Variants in LARP4B observed in about 807,000 individuals in gnomAD.
LARP4B encodes la-related protein 4B.
A neutral mutation model predicts 89.8 loss-of-function variants in LARP4B; 12 were observed. That is an observed-to-expected ratio of 0.13 (90% CI 0.09 to 0.22). LARP4B has a LOEUF of 0.22. Ranked by LOEUF, LARP4B falls within the 10% of genes least tolerant of loss-of-function variation. The pLI is 1.00. For missense variants in LARP4B, 757 were observed against 947.7 expected (o/e 0.80, Z 2.64); for synonymous variants, 367 against 363.3 (o/e 1.01, Z -0.12).
chr10:841,116 G>A (rs1343231978), intron 7 of LARP4B, among the ~76,000 whole-genome samples: 1 of 152,148 alleles, frequency 6.6e-6, no homozygotes. Flanking sequence ...TGACACCACT[G>A]CACTCCAGCC....
At chr10:885,781 T>A in intron 1 of LARP4B, 21 bp from the exon 2 acceptor site, 1 of 1,282,864 alleles carries the variant, frequency 7.8e-7, no homozygotes, top group Non-Finnish European at 1.1e-6. Context: ...GCAAAGACAT[T>A]AAACAGGTCA....
Position 811,731 on chromosome 10 carries a change from ATT to A in LARP4B, c.*1193_*1194del, listed in dbSNP as rs1251350347. 6.5e-6 allele frequency: 1 copy of A among 152,686 alleles called. No homozygotes were observed. The allele number at this position is 152,686 out of a possible 1,614,324, so 9.5% of individuals were successfully genotyped here. On this transcript the variant is annotated 3_prime_UTR_variant, in exon 18 of 18. Coordinates refer to ENST00000316157, the MANE Select transcript of LARP4B (RefSeq NM_015155.3). ...TTTGTGGAATAAAGTGTATGGTTAC[ATT>A]TAGCAGGAAATATTCTTATTTTAAT...
chr10:833,871 G>C lies in LARP4B; in HGVS notation c.750+2532C>G, dbSNP rs1211922060. On this transcript the variant is annotated intron_variant, in intron 8 of 17. Coordinates refer to ENST00000316157, the MANE Select transcript of LARP4B (RefSeq NM_015155.3). ...ACCACTGCACTCCAGCCTGGCAACA[G>C]AGCAAGATGCCACCTCAAAAAAAAA... Among the ~76,000 whole-genome samples the C allele has an allele frequency of 2.9e-5, 4 of 137,800 alleles. No individual in the cohort carries two copies. In the East Asian group the frequency reaches 8.3e-4, roughly 29 times the overall value. 90.4% of individuals were successfully genotyped at this position (137,800 alleles called of 152,430 possible). A position where few individuals can be genotyped will look rare whatever the true frequency, so the allele number is the denominator to read the frequency against.
At chr10:888,044 G>A (rs1286730687) in intron 1 of LARP4B, among the ~76,000 whole-genome samples, 2 of 151,506 alleles carry the variant, frequency 1.3e-5, no homozygotes. Flanking sequence ...AACAGGCCAG[G>A]TGCAGTGGCT....
chr10:878,425 A>G (rs1164367279), intron 3 of LARP4B, among the ~76,000 whole-genome samples: 1 of 150,994 alleles, frequency 6.6e-6, no homozygotes, highest in Non-Finnish European at 1.5e-5. Flanking sequence ...AAACTCTGAC[A>G]CCCCTGCGTG....
chr10:840,837 G>C (rs1236428101), intron 7 of LARP4B, among the ~76,000 whole-genome samples: 1 of 152,170 alleles, frequency 6.6e-6, no homozygotes, highest in African/African-American at 2.4e-5. Flanking sequence ...TCTCTGCTAG[G>C]TAATTTGGGC....
At position 821,034 on chromosome 10, in the gene LARP4B, C is replaced by T. The variant is rs900983722; in HGVS notation, c.1485-189G>A. ...CGTAAGCAGAACAACACAAAGTTGA[C>T]AGCAAGGGACTAACGTGGAAGTCCA... On this transcript the variant is annotated intron_variant, in intron 13 of 17. Transcript: ENST00000316157. 72 of 586,898 alleles carry T rather than the reference C, an allele frequency of 1.2e-4. 1 individual carries two copies. Among genetic ancestry groups the T allele is most frequent in the Non-Finnish European group, 2.1e-5 (7 of 332,202 alleles). 36.4% of individuals were successfully genotyped at this position (586,898 alleles called of 1,614,324 possible).
chr10:980,924 A>C, the LARP4B span, among the ~76,000 whole-genome samples: 1 of 152,044 alleles, frequency 6.6e-6, no homozygotes, highest in African/African-American at 2.4e-5. Flanking sequence ...AAAGTTTTAT[A>C]CTCTGCTTCC....
rs560593201 is a variant in LARP4B, at chr10:822,347, G to A, written c.1485-1502C>T. Among the ~76,000 whole-genome samples the A allele has an allele frequency of 7.2e-5, 11 of 152,314 alleles. 1 individual carries two copies. In the East Asian group the frequency reaches 9.6e-4, roughly 13 times the overall value. On this transcript the variant is annotated intron_variant, in intron 13 of 17. Transcript: ENST00000316157. This position sits in a 1 kb window ranked among gnomAD's most constrained non-coding sequence, Gnocchi z 4.6. ...CACATGGGCAGAGGACATCCCGCAG[G>A]GCTCGGCACAGGGCATCCCTCCGCC...
rs1836439641 is a variant in LARP4B, at chr10:904,633, A to T, written c.-39-18873T>A. Among the ~76,000 whole-genome samples, 5 of 152,218 alleles carry T rather than the reference A, an allele frequency of 3.3e-5. No individual in the cohort carries two copies. In the South Asian group the frequency reaches 1.0e-3, roughly 32 times the overall value. On this transcript the variant is annotated intron_variant, in intron 1 of 17. Transcript: ENST00000316157. The stretch of plus-strand genomic sequence containing the variant: ...AATAAAATAAAAATACATAAAACAC[A>T]GTGTACAGTGACCTTTTAATCACAA...
At chr10:890,935 T>C (rs1263198374) in intron 1 of LARP4B, among the ~76,000 whole-genome samples, 2 of 152,144 alleles carry the variant, frequency 1.3e-5, no homozygotes, top group South Asian at 2.1e-4. Context: ...ATTAATAGTT[T>C]AGCAATCAAA....
At chr10:930,531 G>A (rs953184844) in intron 1 of LARP4B, among the ~76,000 whole-genome samples, 2 of 152,076 alleles carry the variant, frequency 1.3e-5, no homozygotes, top group African/African-American at 4.8e-5. Flanking sequence ...AAAAATAAGG[G>A]GAAAAGCAAA....
At chr10:858,004 C>A (rs544003246) in intron 5 of LARP4B, among the ~76,000 whole-genome samples, 1 of 152,060 alleles carries the variant, frequency 6.6e-6, no homozygotes, top group Non-Finnish European at 1.5e-5. Flanking sequence ...CTAGAAAGAC[C>A]CAACAATGCT....
At chr10:913,844 C>T (rs908306915) in intron 1 of LARP4B, among the ~76,000 whole-genome samples, 4 of 151,966 alleles carry the variant, frequency 2.6e-5, no homozygotes, top group South Asian at 2.1e-4. Flanking sequence ...AGGAGGCTGA[C>T]GTTGCAGTGA....
chr10:904,492 T>C (rs1054231631), intron 1 of LARP4B, among the ~76,000 whole-genome samples: 2 of 134,198 alleles, frequency 1.5e-5, no homozygotes, highest in African/African-American at 5.5e-5. Flanking sequence ...GGGCGGAGGG[T>C]TGGGGGGGCA....
At chr10:961,812 T>C in the LARP4B span, among the ~76,000 whole-genome samples, 1 of 152,116 alleles carries the variant, frequency 6.6e-6, no homozygotes. Flanking sequence ...CACCAGCCAC[T>C]CATGAGGGAT....
chr10:886,060 A>G (rs1371429012), intron 1 of LARP4B, among the ~76,000 whole-genome samples: 3 of 152,222 alleles, frequency 2.0e-5, no homozygotes, highest in African/African-American at 7.2e-5. Context: ...TTTAAAAAAC[A>G]GAAAATTGAA....
chr10:840,013 G>C (rs1288888678), intron 7 of LARP4B, among the ~76,000 whole-genome samples: 1 of 151,474 alleles, frequency 6.6e-6, no homozygotes, highest in Non-Finnish European at 1.5e-5. Flanking sequence ...CAGACCAAAA[G>C]AAAGTGATAT....
At chr10:938,471 G>C in the LARP4B span, among the ~76,000 whole-genome samples, 1 of 151,152 alleles carries the variant, frequency 6.6e-6, no homozygotes, top group Admixed American at 6.6e-5. Flanking sequence ...GCCAGGATAG[G>C]CTTGATCTCC....
Sources: allele counts gnomAD v4.1 joint callset (sites outside exome capture counted in the v4.1 genomes callset), GRCh38; gene constraint gnomAD v4.1.1; non-coding constraint Gnocchi (gnomAD v3.1); transcripts MANE v1.5; gene names NCBI Gene and HGNC (gene_info 2026-07-23, HGNC 2026-07-21).